The following CALN1 variants were observed in gnomAD, a reference collection of about 807,000 sequenced individuals.
The protein encoded by CALN1 is calcium-binding protein 8.
CALN1 carries 17 observed loss-of-function variants against 30.6 expected under a neutral mutation model. The ratio of observed to expected loss-of-function variants is 0.56; its 90% CI spans 0.38 to 0.83. The LOEUF (loss-of-function observed/expected upper bound fraction) is 0.83, where lower values mean the gene tolerates loss of function less well. CALN1 is among the 40% of genes least tolerant of loss of function. The pLI is 0.00. For synonymous variants in CALN1, 156 were observed against 131.4 expected (o/e 1.19, Z -1.28); for missense variants, 291 against 354.9 (o/e 0.82, Z 1.45).
intron 3 of CALN1, 46 bp downstream of exon 3, chr7:72,278,640 C>A (rs1347109464): frequency 6.3e-7 from 1 of 1,590,136 alleles, no homozygotes; most frequent in Non-Finnish European, 8.6e-7. Flanking sequence ...CCAGAAACAC[C>A]TCCCTGGGAG....
In CALN1 at chr7:72,206,427, A is replaced by C. The variant is rs1791891136; in HGVS notation, c.244+72259T>G. ...GACTGCATAGATTCGCTGTAATATT[A>C]CTTCTGCCTCTTACTGCTTCTAATA... On this transcript the variant is annotated intron_variant, in intron 3 of 6. Transcript: ENST00000395275. Among the ~76,000 whole-genome samples, 2 of 152,184 alleles carry C rather than the reference A, an allele frequency of 1.3e-5. 1 individual carries two copies. The highest frequency in any genetic ancestry group is 4.1e-4 in the South Asian group (2 of 4,830).
chr7:71,833,916 CA>C lies in CALN1; in HGVS notation c.502-23425del, dbSNP rs537938682. ...AAGTGAGATCCTGTCTCTTAAAAAACAAAAAAAAATCTTAAAAGTTAAATTG... is the reference window on the plus strand; with the variant it reads ...AAGTGAGATCCTGTCTCTTAAAAAACAAAAAAAATCTTAAAAGTTAAATTG... On this transcript the variant is annotated intron_variant, in intron 5 of 6. Coordinates refer to ENST00000395275, the MANE Select transcript of CALN1 (RefSeq NM_031468.4). Among the ~76,000 whole-genome samples, 260 of 150,662 alleles carry C rather than the reference CA, an allele frequency of 1.7e-3. 1 individual carries two copies. The highest frequency in any genetic ancestry group is 0.011 in the South Asian group (54 of 4,774).
chr7:72,144,309 A>G (rs535856077), intron 3 of CALN1, among the ~76,000 whole-genome samples: 1 of 151,708 alleles, frequency 6.6e-6, no homozygotes, highest in Admixed American at 6.6e-5. Flanking sequence ...AAACAAAAAA[A>G]GGCAGGGGTT....
intron 5 of CALN1, among the ~76,000 whole-genome samples, chr7:71,890,711 A>AT (rs1411155196): frequency 1.4e-5 from 2 of 147,284 alleles, no homozygotes. Flanking sequence ...ATGTTTTAAC[A>AT]TTGTTAAGGT....
chr7:72,325,111 G>A (rs1410312081), intron 2 of CALN1, among the ~76,000 whole-genome samples: 1 of 150,590 alleles, frequency 6.6e-6, no homozygotes, highest in Non-Finnish European at 1.5e-5. Flanking sequence ...ACCAGCCTGG[G>A]CAACATGGTG....
intron 1 of CALN1, among the ~76,000 whole-genome samples, chr7:72,404,604 G>A (rs1273632051): frequency 3.9e-5 from 6 of 152,126 alleles, no homozygotes; most frequent in East Asian, 1.9e-4. Context: ...ACACAGATGA[G>A]TCTCCATTTC....
Position 72,171,373 on chromosome 7 carries a change from C to G in CALN1, c.245-65079G>C, listed in dbSNP as rs145883184. Among the ~76,000 whole-genome samples, 809 of 152,112 alleles carry G rather than the reference C, an allele frequency of 5.3e-3. 7 individuals are homozygous for G. The highest frequency in any genetic ancestry group is 0.018 in the African/African-American group (734 of 41,502). On this transcript the variant is annotated intron_variant, in intron 3 of 6. Transcript: ENST00000395275. ...GGTGTGGTGGTACACACCTATAAAT[C>G]CAGTGTCTTGACAGGCTCAGAGAGG...
intron 1 of CALN1, among the ~76,000 whole-genome samples, chr7:72,440,079 A>G (rs971160367): frequency 6.6e-6 from 1 of 152,266 alleles, no homozygotes; most frequent in Non-Finnish European, 1.5e-5. Flanking sequence ...AGGAACTAGC[A>G]TATCATCTCA....
chr7:72,015,153 T>C (rs1800305044), intron 5 of CALN1, among the ~76,000 whole-genome samples: 1 of 152,206 alleles, frequency 6.6e-6, no homozygotes, highest in African/African-American at 2.4e-5. Context: ...ATTACACTTA[T>C]GAATAAGGAT....
At chr7:72,166,750 C>T (rs1040708817) in intron 3 of CALN1, among the ~76,000 whole-genome samples, 3 of 152,082 alleles carry the variant, frequency 2.0e-5, no homozygotes, top group Non-Finnish European at 2.9e-5. Context: ...CATAAAAATA[C>T]CAAGGTAGTC....
intron 5 of CALN1, among the ~76,000 whole-genome samples, chr7:71,840,951 T>G (rs1300537388): frequency 7.2e-6 from 1 of 139,650 alleles, no homozygotes; most frequent in Non-Finnish European, 1.6e-5. Context: ...TTTCCCTTTT[T>G]CTTTGGAAAA....
chr7:72,270,968 A>G (rs1462408019), intron 3 of CALN1, among the ~76,000 whole-genome samples: 1 of 152,190 alleles, frequency 6.6e-6, no homozygotes, highest in Non-Finnish European at 1.5e-5. Context: ...CAATGTGGTC[A>G]GAGAGGAAGG....
At chr7:72,255,833 C>T (rs1323131412) in intron 3 of CALN1, among the ~76,000 whole-genome samples, 1 of 151,932 alleles carries the variant, frequency 6.6e-6, no homozygotes, top group African/African-American at 2.4e-5. Context: ...CGGGTTCAAG[C>T]CACTCTCCTG....
At chr7:72,085,353 T>G (rs11975544) in intron 4 of CALN1, among the ~76,000 whole-genome samples, 2,936 of 152,294 alleles carry the variant, frequency 0.019, 89 homozygotes, top group African/African-American at 0.067. Context: ...TACAGTATAA[T>G]AAGATATGTT....
chr7:72,146,864 G>A (rs1430701949), intron 3 of CALN1, among the ~76,000 whole-genome samples: 1 of 152,134 alleles, frequency 6.6e-6, no homozygotes, highest in Non-Finnish European at 1.5e-5. Flanking sequence ...ACAAGAAACG[G>A]GGAAAGGATT....
At chr7:72,358,818 G>A (rs111670912) in intron 2 of CALN1, among the ~76,000 whole-genome samples, 6 of 151,918 alleles carry the variant, frequency 3.9e-5, no homozygotes, top group South Asian at 2.1e-4. Flanking sequence ...GCATGGTGGC[G>A]GGCACCTATA....
At position 72,062,796 on chromosome 7, in the gene CALN1, T is replaced by C. The variant is rs755958671; in HGVS notation, c.389-39027A>G. Reference sequence around the variant, plus strand: ...CCAACGAAGAAAGACACATCCTAAATAGTCCTATTAAAGAAATTGCATTCA... The same window carrying C: ...CCAACGAAGAAAGACACATCCTAAACAGTCCTATTAAAGAAATTGCATTCA... On this transcript the variant is annotated intron_variant, in intron 4 of 6. Coordinates refer to ENST00000395275, the MANE Select transcript of CALN1 (RefSeq NM_031468.4). Among the ~76,000 whole-genome samples the C allele has an allele frequency of 1.3e-5, 2 of 152,244 alleles. 1 individual carries two copies. Among genetic ancestry groups the C allele is most frequent in the South Asian group, 4.1e-4 (2 of 4,830 alleles).
chr7:72,120,057 C>A (rs1808271151), intron 3 of CALN1, among the ~76,000 whole-genome samples: 1 of 152,042 alleles, frequency 6.6e-6, no homozygotes, highest in African/African-American at 2.4e-5. Context: ...CGCTGTCACC[C>A]AGGTAGTGAG....
intron 2 of CALN1, among the ~76,000 whole-genome samples, chr7:72,316,399 C>A (rs1289288428): frequency 6.7e-6 from 1 of 150,320 alleles, no homozygotes; most frequent in African/African-American, 2.4e-5. Context: ...GAAACATTCA[C>A]AGGATATTAA....
Sources: allele counts gnomAD v4.1 joint callset (sites outside exome capture counted in the v4.1 genomes callset), GRCh38; gene constraint gnomAD v4.1.1; transcripts MANE v1.5; gene names NCBI Gene and HGNC (gene_info 2026-07-23, HGNC 2026-07-21).